OTUD7A: variants seen among roughly 807,000 people sequenced by gnomAD.
OTUD7A encodes OTU deubiquitinase 7A, also known as OTU domain-containing protein 7A.
A neutral mutation model predicts 65.7 loss-of-function variants in OTUD7A; 12 were observed. The observed-to-expected ratio is 0.18, with a 90% CI of 0.12 to 0.30. OTUD7A has a LOEUF of 0.30. OTUD7A is among the 10% of genes least tolerant of loss of function. The pLI is 1.00. For synonymous variants in OTUD7A, 641 were observed against 586.3 expected, an observed-to-expected ratio of 1.09 and a Z score of -1.35; for missense variants, 1,148 against 1,304.8, an observed-to-expected ratio of 0.88 and a Z score of 1.85.
At chr15:31,865,893 T>G (rs1177951554) in intron 1 of OTUD7A, among the ~76,000 whole-genome samples, 1 of 152,240 alleles carries the variant, frequency 6.6e-6, no homozygotes, top group African/African-American at 2.4e-5. Context: ...TTATATTTCA[T>G]AAAAGTCAAT....
At chr15:31,759,073 A>G (rs552705118) in intron 1 of OTUD7A, among the ~76,000 whole-genome samples, 1 of 152,300 alleles carries the variant, frequency 6.6e-6, no homozygotes, top group South Asian at 2.1e-4. Flanking sequence ...TAAGATTGCT[A>G]TAACCCTCCA....
intron 4 of OTUD7A, among the ~76,000 whole-genome samples, chr15:31,564,405 A>G (rs1316531037): frequency 1.0e-5 from 1 of 100,226 alleles, no homozygotes; most frequent in Admixed American, 1.0e-4. Flanking sequence ...TTTTTTAGCA[A>G]AAGAGAAAAG....
intron 3 of OTUD7A, among the ~76,000 whole-genome samples, chr15:31,619,479 T>TA (rs1566946473): frequency 1.3e-5 from 2 of 152,162 alleles, no homozygotes; most frequent in Admixed American, 6.5e-5. Context: ...CCTGAAGAGG[T>TA]CCTTCACATC....
chr15:31,527,127 C>T (rs1028740722), intron 7 of OTUD7A, 54 bp downstream of exon 7: 54 of 1,608,052 alleles, frequency 3.4e-5, no homozygotes, highest in Admixed American at 5.0e-5. Flanking sequence ...GACCACGGCC[C>T]GAGGCTGCAT....
At chr15:31,658,184 T>C (rs1892049077) in intron 1 of OTUD7A, among the ~76,000 whole-genome samples, 1 of 152,116 alleles carries the variant, frequency 6.6e-6, no homozygotes, top group African/African-American at 2.4e-5. Context: ...CTCACAGTTA[T>C]TATGAAATTT....
chr15:31,584,672 T>C (rs1249704310), intron 3 of OTUD7A, among the ~76,000 whole-genome samples: 60 of 152,278 alleles, frequency 3.9e-4, no homozygotes, highest in Non-Finnish European at 7.8e-4. Context: ...AGAAAGTACA[T>C]AGGAACATGT....
In OTUD7A at chr15:31,478,308, C is replaced by T. The variant is rs966855725; in HGVS notation, c.*4986G>A. ...TTCAGCCTATATTTACTCTTAAAACCAAATGGTACTCTTCGCCTTATGTTA... is the reference window on the plus strand; with the variant it reads ...TTCAGCCTATATTTACTCTTAAAACTAAATGGTACTCTTCGCCTTATGTTA... On this transcript the variant is annotated 3_prime_UTR_variant, in exon 13 of 13. Transcript: ENST00000307050. The T allele has an allele frequency of 2.0e-5, 3 of 152,094 alleles. No individual in the cohort carries two copies. Among genetic ancestry groups the T allele is most frequent in the African/African-American group, 4.8e-5 (2 of 41,406 alleles). 9.4% of individuals were successfully genotyped at this position (152,094 alleles called of 1,614,324 possible).
chr15:31,520,708 C>G (rs1383725733), intron 8 of OTUD7A, among the ~76,000 whole-genome samples: 2 of 152,064 alleles, frequency 1.3e-5, no homozygotes, highest in African/African-American at 4.8e-5. Context: ...TTCATACAAC[C>G]TTTATGGAAA....
chr15:31,535,972 G>A (rs140664693), intron 5 of OTUD7A, among the ~76,000 whole-genome samples: 38 of 152,218 alleles, frequency 2.5e-4, no homozygotes, highest in Non-Finnish European at 3.4e-4. Flanking sequence ...GAGCCACCGC[G>A]CCTGGCCGGG....
At position 31,485,334 on chromosome 15, in the gene OTUD7A, C is replaced by T. The variant is rs1021607585; in HGVS notation, c.1372-610G>A. Reference sequence around the variant, plus strand: ...TCATCGGATCTTGGATCAAACACCCCCTTGATTCAGGGATGCCAAATCGCT... The same window carrying T: ...TCATCGGATCTTGGATCAAACACCCTCTTGATTCAGGGATGCCAAATCGCT... On this transcript the variant is annotated intron_variant, in intron 12 of 12. Transcript: ENST00000307050. Among the ~76,000 whole-genome samples, 16 of 152,212 alleles carry T rather than the reference C, an allele frequency of 1.1e-4. 1 individual carries two copies. The highest frequency in any genetic ancestry group is 3.9e-4 in the African/African-American group (16 of 41,450).
At chr15:31,831,663 G>A (rs558052081) in intron 1 of OTUD7A, among the ~76,000 whole-genome samples, 12 of 152,266 alleles carry the variant, frequency 7.9e-5, no homozygotes, top group South Asian at 2.1e-4. Flanking sequence ...TAAAGAATCC[G>A]TTCACAGAAA....
At chr15:31,510,288 C>T (rs2041665419) in intron 8 of OTUD7A, among the ~76,000 whole-genome samples, 1 of 151,798 alleles carries the variant, frequency 6.6e-6, no homozygotes, top group African/African-American at 2.4e-5. Context: ...TGCGACAGTC[C>T]CCGCTCTCTT....
chr15:31,670,081 C>T (rs187029121), intron 1 of OTUD7A, among the ~76,000 whole-genome samples: 1 of 146,632 alleles, frequency 6.8e-6, no homozygotes, highest in Admixed American at 6.7e-5. Flanking sequence ...TTCTTGCAGT[C>T]GATCTGGAGC....
chr15:31,535,681 T>G (rs28677851), intron 5 of OTUD7A, among the ~76,000 whole-genome samples: 5,554 of 145,654 alleles, frequency 0.038, 170 homozygotes, highest in African/African-American at 0.092. Flanking sequence ...TTTGTTTTTT[T>G]TTTTTTTTTT....
At chr15:31,826,990 G>A (rs1027015155) in intron 1 of OTUD7A, among the ~76,000 whole-genome samples, 5 of 152,192 alleles carry the variant, frequency 3.3e-5, no homozygotes, top group Admixed American at 6.5e-5. Context: ...CATTCAACAA[G>A]TCTCTAGGAG....
At chr15:31,574,512 A>C (rs964048686) in intron 3 of OTUD7A, among the ~76,000 whole-genome samples, 1 of 151,860 alleles carries the variant, frequency 6.6e-6, no homozygotes, top group African/African-American at 2.4e-5. Flanking sequence ...CAGGTACACA[A>C]GACAAAGACA....
intron 1 of OTUD7A, among the ~76,000 whole-genome samples, chr15:31,763,090 T>G (rs1595752925): frequency 6.6e-6 from 1 of 151,862 alleles, no homozygotes; most frequent in Non-Finnish European, 1.5e-5. Context: ...CAAGACCAGG[T>G]TGGCCAACAT....
chr15:31,852,074 G>A (rs1341070725), intron 1 of OTUD7A, among the ~76,000 whole-genome samples: 1 of 152,200 alleles, frequency 6.6e-6, no homozygotes, highest in Non-Finnish European at 1.5e-5. Context: ...GGTCAGGCTG[G>A]TCTTGAACTC....
intron 3 of OTUD7A, among the ~76,000 whole-genome samples, chr15:31,645,212 G>A (rs28525283): frequency 0.29 from 43,623 of 152,050 alleles, 7,390 homozygotes; most frequent in African/African-American, 0.47. Context: ...GGCAATTACA[G>A]GACTAACCTT....
Sources: allele counts gnomAD v4.1 joint callset (sites outside exome capture counted in the v4.1 genomes callset), GRCh38; gene constraint gnomAD v4.1.1; transcripts MANE v1.5; gene names NCBI Gene and HGNC (gene_info 2026-07-23, HGNC 2026-07-21).